Variants in USP8 observed in about 807,000 individuals in gnomAD.
USP8 encodes ubiquitin specific peptidase 8, also known as ubiquitin carboxyl-terminal hydrolase 8.
A neutral mutation model predicts 130.0 loss-of-function variants in USP8; 27 were observed. The observed-to-expected ratio is 0.21, with a 90% CI of 0.15 to 0.29. The LOEUF (loss-of-function observed/expected upper bound fraction) is 0.29, where lower values mean the gene tolerates loss of function less well. Ranked by LOEUF, USP8 falls within the 10% of genes least tolerant of loss-of-function variation. The pLI, the probability that USP8 is intolerant of heterozygous loss-of-function variation, is 1.00. For missense variants in USP8, 1,029 were observed against 1,312.2 expected (o/e 0.78, Z 3.33); for synonymous variants, 392 against 444.1 (o/e 0.88, Z 1.48).
intron 1 of USP8, among the ~76,000 whole-genome samples, chr15:50,426,638 G>C (rs2049736596): frequency 6.6e-6 from 1 of 152,198 alleles, no homozygotes; most frequent in Admixed American, 6.5e-5. Flanking sequence ...CCCACACATA[G>C]CCTCTTCACG....
intron 18 of USP8, 190 bp downstream of exon 18, chr15:50,497,421 C>T: frequency 2.1e-6 from 1 of 477,862 alleles, no homozygotes. Context: ...AGTACCACAG[C>T]AAAATGACAA....
Position 50,483,681 on chromosome 15 carries a change from C to G in USP8, c.1804-594C>G, listed in dbSNP as rs2051852744. On this transcript the variant is annotated intron_variant, in intron 11 of 19. Coordinates refer to ENST00000307179, the MANE Select transcript of USP8 (RefSeq NM_005154.5). ...TGGTGGCGGGCGCCTGTAGTCCCAG[C>G]TGCTTGGGAGGCTGAAGCAGGAGAA... is the stretch of plus-strand genomic sequence containing the variant. Among the ~76,000 whole-genome samples, 3 of 151,874 alleles carry G rather than the reference C, an allele frequency of 2.0e-5. No homozygotes were observed. In the South Asian group the frequency reaches 6.2e-4, roughly 31 times the overall value.
chr15:50,445,976 C>A (rs535410282), intron 3 of USP8, among the ~76,000 whole-genome samples: 19 of 151,994 alleles, frequency 1.3e-4, no homozygotes, highest in Non-Finnish European at 2.5e-4. Context: ...ATAATTCTTT[C>A]AGGGTTATCT....
At chr15:50,433,669 G>A (rs963753027) in intron 1 of USP8, among the ~76,000 whole-genome samples, 1 of 151,950 alleles carries the variant, frequency 6.6e-6, no homozygotes, top group Admixed American at 6.6e-5. Flanking sequence ...GCAGTGGCGC[G>A]ATCTCAGCTC....
At chr15:50,439,827 A>AATAATAATT in intron 2 of USP8, among the ~76,000 whole-genome samples, 1 of 109,818 alleles carries the variant, frequency 9.1e-6, no homozygotes, top group Middle Eastern at 7.5e-3. Context: ...TAATAATAAT[A>AATAATAATT]ATTTTTTTTT....
chr15:50,434,603 A>G (rs2050040764), intron 1 of USP8, among the ~76,000 whole-genome samples: 1 of 151,670 alleles, frequency 6.6e-6, no homozygotes, highest in Non-Finnish European at 1.5e-5. Context: ...TTTTTGAAGC[A>G]TAAGTTTTGC....
At chr15:50,435,365 T>G (rs1351758970) in intron 1 of USP8, among the ~76,000 whole-genome samples, 3 of 152,224 alleles carry the variant, frequency 2.0e-5, no homozygotes, top group Non-Finnish European at 2.9e-5. Context: ...TAACAACTGT[T>G]TATATAACAT....
chr15:50,491,739 T>TA (rs145163812), intron 14 of USP8, among the ~76,000 whole-genome samples: 20,827 of 152,274 alleles, frequency 0.14, 1,946 homozygotes, highest in Middle Eastern at 0.28. Context: ...CACACCATAT[T>TA]ACAGAAGTCT....
chr15:50,430,851 G>C (rs2049907210), intron 1 of USP8, among the ~76,000 whole-genome samples: 1 of 152,162 alleles, frequency 6.6e-6, no homozygotes, highest in Admixed American at 6.6e-5. Context: ...GTAAACCAGT[G>C]GTTCTTGTTG....
intron 4 of USP8, 44 bp from the exon 5 acceptor site, chr15:50,458,956 A>T (rs2050884179): frequency 6.2e-7 from 1 of 1,607,884 alleles, no homozygotes; most frequent in Non-Finnish European, 8.5e-7. Context: ...AATTTCCACG[A>T]TTAACGCCAA....
chr15:50,497,126 C>CAGAT lies in USP8; in HGVS notation c.2935_2938dup (p.Asn980ArgfsTer2). 1 of 1,604,820 alleles carries CAGAT rather than the reference C, an allele frequency of 6.2e-7. No homozygotes were observed. ...TTATTTTCCAAAGAAGAAAAACTCACAGATAACAACAGATTTTACTGCAGT... is the reference window on the plus strand; with the variant it reads ...TTATTTTCCAAAGAAGAAAAACTCACAGATAGATAACAACAGATTTTACTGCAGT... On this transcript the variant is annotated frameshift_variant, in exon 18 of 20. Coordinates refer to ENST00000307179, the MANE Select transcript of USP8 (RefSeq NM_005154.5). LOFTEE classifies it high-confidence loss of function.
chr15:50,431,111 T>G (rs1282217997), intron 1 of USP8, among the ~76,000 whole-genome samples: 1 of 151,916 alleles, frequency 6.6e-6, no homozygotes, highest in Non-Finnish European at 1.5e-5. Context: ...TATTACTTTT[T>G]TTGTTAATAG....
At chr15:50,456,891 GAAAAAGAAA>G (rs2050808444) in intron 4 of USP8, among the ~76,000 whole-genome samples, 2 of 151,642 alleles carry the variant, frequency 1.3e-5, no homozygotes, top group South Asian at 2.1e-4. Context: ...GTGAAAAAAA[GAAAAAGAAA>G]AAAAAGAAAA....
chr15:50,496,208 C>T (rs2052396003), intron 17 of USP8, 124 bp downstream of exon 17: 1 of 778,964 alleles, frequency 1.3e-6, no homozygotes, highest in Non-Finnish European at 2.0e-6. Context: ...CGGCCGGGCG[C>T]AGTGGCTCAT....
chr15:50,472,530 GAGT>G (rs2051414661), intron 8 of USP8, among the ~76,000 whole-genome samples: 1 of 150,690 alleles, frequency 6.6e-6, no homozygotes, highest in South Asian at 2.1e-4. Context: ...CCGGGAGGCA[GAGT>G]TTGCAGTGAG....
At position 50,465,304 on chromosome 15, in the gene USP8, G is replaced by A. The variant is rs1336988877; in HGVS notation, c.686+113G>A. 6 of 1,177,962 alleles carry A rather than the reference G, an allele frequency of 5.1e-6. No homozygotes were observed. The Admixed American group carries it at 1.8e-4, about 35-fold the overall frequency. The allele number at this position is 1,177,962 out of a possible 1,614,324, so 73.0% of individuals were successfully genotyped here. On this transcript the variant is annotated intron_variant, in intron 7 of 19. Coordinates refer to ENST00000307179, the MANE Select transcript of USP8 (RefSeq NM_005154.5). ...AAATGTGATAAAGTAGTCTTTTCCT[G>A]GTAACTTTTTAAATCTTTGCCTCTT...
intron 1 of USP8, among the ~76,000 whole-genome samples, chr15:50,428,629 C>A (rs886653057): frequency 2.0e-5 from 3 of 152,108 alleles, no homozygotes; most frequent in Non-Finnish European, 4.4e-5. Context: ...ATAATTACAA[C>A]AATATAGTGT....
At chr15:50,433,558 C>G (rs1213112433) in intron 1 of USP8, among the ~76,000 whole-genome samples, 1 of 152,170 alleles carries the variant, frequency 6.6e-6, no homozygotes, top group African/African-American at 2.4e-5. Context: ...AATCCCTACT[C>G]TTTGTCTTAG....
chr15:50,493,448 T>A (rs951772305), intron 15 of USP8: 1 of 518,928 alleles, frequency 1.9e-6, no homozygotes, highest in East Asian at 5.4e-5. Context: ...GGGGAAAATA[T>A]CTTTATCCTT....
Sources: gnomAD v4.1 joint callset for allele counts (sites outside exome capture counted in the v4.1 genomes callset) on GRCh38, gnomAD v4.1.1 for gene constraint, MANE v1.5 for transcripts, NCBI Gene and HGNC (gene_info 2026-07-23, HGNC 2026-07-21) for gene names.